The following BAG2 variants were observed in gnomAD, a reference collection of about 807,000 sequenced individuals.
The protein encoded by BAG2 is BAG family molecular chaperone regulator 2.
BAG2 carries 8 observed loss-of-function variants against 16.4 expected under a neutral mutation model. That is an observed-to-expected ratio of 0.49 (90% CI 0.29 to 0.88). The LOEUF is 0.88. BAG2 is among the 40% of genes least tolerant of loss of function. The pLI is 0.09. For synonymous variants in BAG2, 82 were observed against 89.2 expected (o/e 0.92, Z 0.46); for missense variants, 218 against 248.9 (o/e 0.88, Z 0.84).
At chr6:57,182,513 A>C (rs1263985651) in intron 2 of BAG2, among the ~76,000 whole-genome samples, 5 of 148,998 alleles carry the variant, frequency 3.4e-5, no homozygotes, top group Non-Finnish European at 7.4e-5. Flanking sequence ...AGAGAGTGGA[A>C]GCAGAGAAGT....
Position 57,182,102 on chromosome 6 carries a change from A to G in BAG2, c.184A>G (p.Ser62Gly), listed in dbSNP as rs1420962910. Residue 62 changes from serine to glycine, a missense_variant, in exon 2 of 3, where the codon AGT becomes GGT. Physicochemically the swap from Ser to Gly is moderately conservative, Grantham distance 56. Around this residue, in one of 3 missense-constraint regions of BAG2, gnomAD observed 30 missense variants for 57.8 expected, o/e 0.52. Coordinates refer to ENST00000370693, the MANE Select transcript of BAG2 (RefSeq NM_004282.4). ...AGAAATCCTTCTGGAAATGATCCAC[A>G]GTATCCAAAATAGCCAGGACATGAG... ...EKEILLEMIH[S>G]IQNSQDMRQI... The G allele has an allele frequency of 6.2e-7, 1 of 1,614,204 alleles. No individual in the cohort carries two copies. The highest frequency in any genetic ancestry group is 2.2e-5 in the East Asian group (1 of 44,882).
rs1764696450 is a variant in BAG2, at chr6:57,188,435, A to C, written c.*4245A>C. 1 of 152,170 alleles carries C rather than the reference A, an allele frequency of 6.6e-6. No homozygotes were observed. The highest frequency in any genetic ancestry group is 2.4e-5 in the African/African-American group (1 of 41,460). The allele number at this position is 152,170 out of a possible 1,614,324, so 9.4% of individuals were successfully genotyped here. ...ACTATCCTCAGAGATTACTTTTTTT[A>C]AATATAGAAAGGTAACACGCTTTTA... On this transcript the variant is annotated 3_prime_UTR_variant, in exon 3 of 3. Transcript: ENST00000370693.
rs1409292533 is a variant in BAG2 at position 57,172,747 on chromosome 6, G to GCTC, written c.58_60dup (p.Ser20dup). 6.3e-7 allele frequency: 1 copy of GCTC among 1,582,152 alleles called. No homozygotes were observed. Among genetic ancestry groups the GCTC allele is most frequent in the Non-Finnish European group, 8.6e-7 (1 of 1,167,086 alleles). ...AAAGCCAACGAGGGGCGCTTCTGCC[G>GCTC]CTCCTCCTCCATGGCTGACCGCTCC... On this transcript the variant is annotated inframe_insertion, in exon 1 of 3. Coordinates refer to ENST00000370693, the MANE Select transcript of BAG2 (RefSeq NM_004282.4).
chr6:57,175,265 T>TTC (rs891307508), intron 1 of BAG2, among the ~76,000 whole-genome samples: 5 of 152,200 alleles, frequency 3.3e-5, no homozygotes, highest in African/African-American at 1.2e-4. Flanking sequence ...GATATTACGA[T>TTC]TCTCTCTCTC....
rs1272613249 is a variant in BAG2, at chr6:57,187,536, C to CA, written c.*3347dup. On this transcript the variant is annotated 3_prime_UTR_variant, in exon 3 of 3. Coordinates refer to ENST00000370693, the MANE Select transcript of BAG2 (RefSeq NM_004282.4). ...TCAATGCATTTTGTTTTCAGAGAAA[C>CA]AGACTAATGATAGATTAATGGGAAC... The CA allele has an allele frequency of 6.6e-6, 1 of 152,094 alleles. No homozygotes were observed. Among genetic ancestry groups the CA allele is most frequent in the Non-Finnish European group, 1.5e-5 (1 of 68,008 alleles). The allele number at this position is 152,094 out of a possible 1,614,324, so 9.4% of individuals were successfully genotyped here.
chr6:57,180,790 C>T (rs7749970), intron 1 of BAG2, among the ~76,000 whole-genome samples: 3 of 151,106 alleles, frequency 2.0e-5, no homozygotes, highest in South Asian at 2.1e-4. Context: ...AAAAATTGAT[C>T]GCATCAAAAT....
intron 2 of BAG2, among the ~76,000 whole-genome samples, chr6:57,183,323 C>T (rs138979592): frequency 4.5e-4 from 68 of 152,268 alleles, no homozygotes; most frequent in African/African-American, 1.4e-3. Context: ...CTAGTATTGA[C>T]GACAGAAGAC....
intron 1 of BAG2, among the ~76,000 whole-genome samples, chr6:57,176,047 C>T (rs1764275625): frequency 6.6e-6 from 1 of 152,150 alleles, no homozygotes; most frequent in Admixed American, 6.6e-5. Flanking sequence ...GGATACTTAG[C>T]TGCAAATCCC....
chr6:57,180,693 A>C (rs1764413123), intron 1 of BAG2, among the ~76,000 whole-genome samples: 1 of 152,102 alleles, frequency 6.6e-6, no homozygotes, highest in Non-Finnish European at 1.5e-5. Context: ...AGTTAATAAG[A>C]GAAAATATAG....
Position 57,184,614 on chromosome 6 carries a change from A to T in BAG2, c.*424A>T, listed in dbSNP as rs1764569452. 6.5e-6 allele frequency: 1 copy of T among 153,888 alleles called. No homozygotes were observed. 9.5% of individuals were successfully genotyped at this position (153,888 alleles called of 1,614,324 possible). A position where few individuals can be genotyped will look rare whatever the true frequency, so the allele number is the denominator to read the frequency against. On this transcript the variant is annotated 3_prime_UTR_variant, in exon 3 of 3. Transcript: ENST00000370693. The stretch of plus-strand genomic sequence containing the variant: ...TTTACTACACACACAGTGTTAACAA[A>T]GCACTGTGCTTAGAGGGTAAAAAGG...
chr6:57,177,287 A>G (rs538615045), intron 1 of BAG2, among the ~76,000 whole-genome samples: 3 of 152,084 alleles, frequency 2.0e-5, no homozygotes, highest in Non-Finnish European at 4.4e-5. Context: ...GTGGTGGCGC[A>G]TGTCTGTAGT....
intron 1 of BAG2, among the ~76,000 whole-genome samples, chr6:57,176,378 A>G (rs1293875130): frequency 1.3e-5 from 2 of 152,188 alleles, no homozygotes; most frequent in Non-Finnish European, 2.9e-5. Flanking sequence ...AAATATAGAA[A>G]TGATATATGG....
In BAG2 at chr6:57,187,895, C is replaced by CAGAT. The variant is rs1457097941; in HGVS notation, c.*3707_*3710dup. The CAGAT allele has an allele frequency of 3.3e-5, 5 of 151,904 alleles. No individual in the cohort carries two copies. Among genetic ancestry groups the CAGAT allele is most frequent in the African/African-American group, 9.7e-5 (4 of 41,306 alleles). 9.4% of individuals were successfully genotyped at this position (151,904 alleles called of 1,614,324 possible). A position where few individuals can be genotyped will look rare whatever the true frequency, so the allele number is the denominator to read the frequency against. The stretch of plus-strand genomic sequence containing the variant: ...AGTAACGTGTGCTATCAACTTTGGG[C>CAGAT]AGATACAAAGGAAATCATTTAACCT... On this transcript the variant is annotated 3_prime_UTR_variant, in exon 3 of 3. Coordinates refer to ENST00000370693, the MANE Select transcript of BAG2 (RefSeq NM_004282.4).
chr6:57,179,933 T>C (rs1212623315), intron 1 of BAG2, among the ~76,000 whole-genome samples: 1 of 151,640 alleles, frequency 6.6e-6, no homozygotes, highest in Non-Finnish European at 1.5e-5. Context: ...TGCCACTGTT[T>C]AATACAGTAC....
At chr6:57,173,337 C>G in intron 1 of BAG2, 1 of 985,404 alleles carries the variant, frequency 1.0e-6, no homozygotes, top group South Asian at 4.7e-5. Flanking sequence ...CCATTGAGAG[C>G]AAAGATTAGA....
In BAG2 at chr6:57,185,178, C is replaced by CT. The variant is rs1764588301; in HGVS notation, c.*994dup. On this transcript the variant is annotated 3_prime_UTR_variant, in exon 3 of 3. Transcript: ENST00000370693. ...TGTATAAAGGTTACAGCAATTTATACTTTTTTCAGTAATTAAAATATAGCT... is the reference window on the plus strand; with the variant it reads ...TGTATAAAGGTTACAGCAATTTATACTTTTTTTCAGTAATTAAAATATAGCT... 6.6e-6 allele frequency: 1 copy of CT among 152,120 alleles called. No individual in the cohort carries two copies. The highest frequency in any genetic ancestry group is 1.5e-5 in the Non-Finnish European group (1 of 68,018). The allele number at this position is 152,120 out of a possible 1,614,324, so 9.4% of individuals were successfully genotyped here. A position where few individuals can be genotyped will look rare whatever the true frequency, so the allele number is the denominator to read the frequency against.
chr6:57,174,810 C>T (rs1052450508), intron 1 of BAG2, among the ~76,000 whole-genome samples: 3 of 152,102 alleles, frequency 2.0e-5, no homozygotes, highest in African/African-American at 7.2e-5. Context: ...ACATGAAACT[C>T]ATATGTAATT....
intron 1 of BAG2, among the ~76,000 whole-genome samples, chr6:57,178,744 C>G (rs1295973408): frequency 6.7e-6 from 1 of 149,812 alleles, no homozygotes; most frequent in Non-Finnish European, 1.5e-5. Context: ...GGATAATGCC[C>G]TGGTAATTTC....
chr6:57,173,596 A>C lies in BAG2; in HGVS notation c.113+786A>C, dbSNP rs576766777. ...AGTAGTAGACTTGTATAGAATTTCT[A>C]AACAATTTAATGTTAATAGATTTTT... On this transcript the variant is annotated intron_variant, in intron 1 of 2. Transcript: ENST00000370693. 5.0e-6 allele frequency: 4 copies of C among 794,876 alleles called. No individual in the cohort carries two copies. In the East Asian group the frequency reaches 3.8e-4, roughly 76 times the overall value. The allele number at this position is 794,876 out of a possible 1,614,324, so 49.2% of individuals were successfully genotyped here.
Sources: gnomAD v4.1 joint callset for allele counts (sites outside exome capture counted in the v4.1 genomes callset) on GRCh38, gnomAD v4.1.1 for gene constraint, gnomAD v4.1.1 regional missense constraint, MANE v1.5 for transcripts, NCBI Gene and HGNC (gene_info 2026-07-23, HGNC 2026-07-21) for gene names.